The following NEBL variants were observed in gnomAD, a reference collection of about 807,000 sequenced individuals.
NEBL encodes the protein nebulette.
NEBL carries 122 observed loss-of-function variants against 140.2 expected under a neutral mutation model. That is an observed-to-expected ratio of 0.87 (90% CI 0.75 to 1.01). NEBL has a LOEUF of 1.01. Among genes scored for constraint, NEBL ranks in the 50% least tolerant of loss-of-function variants. The pLI, the probability that NEBL is intolerant of heterozygous loss-of-function variation, is 0.00. For missense variants in NEBL, 1,365 were observed against 1,231.3 expected (o/e 1.11, Z -1.62); for synonymous variants, 436 against 398.9 (o/e 1.09, Z -1.11).
intron 26 of NEBL, among the ~76,000 whole-genome samples, chr10:20,802,774 C>G (rs12247993): frequency 0.011 from 1,751 of 152,286 alleles, 25 homozygotes; most frequent in African/African-American, 0.039. Flanking sequence ...AAAACTGTGA[C>G]TCTCATAACT....
At chr10:21,141,473 T>C (rs1839629397) in intron 2 of NEBL, among the ~76,000 whole-genome samples, 1 of 152,184 alleles carries the variant, frequency 6.6e-6, no homozygotes, top group Non-Finnish European at 1.5e-5. Context: ...GAAAAAAGCA[T>C]ACAAGAATTT....
intron 4 of NEBL, among the ~76,000 whole-genome samples, chr10:20,903,012 C>A (rs1588983816): frequency 1.3e-5 from 2 of 152,144 alleles, no homozygotes; most frequent in Admixed American, 1.3e-4. Context: ...CTGTTGAAAA[C>A]TGATAAGAAT....
intron 7 of NEBL, among the ~76,000 whole-genome samples, chr10:20,863,255 C>A (rs1425618746): frequency 1.3e-5 from 2 of 151,938 alleles, no homozygotes; most frequent in Non-Finnish European, 2.9e-5. Context: ...CACGCAAACC[C>A]AAAACTTTAC....
At chr10:21,144,701 T>G (rs1839809349) in intron 2 of NEBL, among the ~76,000 whole-genome samples, 1 of 151,764 alleles carries the variant, frequency 6.6e-6, no homozygotes, top group Non-Finnish European at 1.5e-5. Context: ...CACTCCAGCC[T>G]GGGAGACAGA....
intron 3 of NEBL, among the ~76,000 whole-genome samples, chr10:20,978,001 T>G (rs1836872936): frequency 6.6e-6 from 1 of 152,248 alleles, no homozygotes; most frequent in African/African-American, 2.4e-5. Flanking sequence ...TGAAAATTAA[T>G]CTTAAAATGT....
At chr10:21,180,345 A>G (rs553124144) in intron 3 of NEBL, among the ~76,000 whole-genome samples, 2 of 152,242 alleles carry the variant, frequency 1.3e-5, no homozygotes, top group Non-Finnish European at 2.9e-5. Flanking sequence ...TGGGACTTCT[A>G]AAATAATCAG....
intron 1 of NEBL, among the ~76,000 whole-genome samples, chr10:21,284,291 G>A (rs1843029532): frequency 6.9e-6 from 1 of 145,706 alleles, no homozygotes; most frequent in African/African-American, 2.5e-5. Context: ...TTGGCACATA[G>A]TGCATGTCCA....
At chr10:20,814,587 G>A (rs1163980183) in intron 22 of NEBL, among the ~76,000 whole-genome samples, 1 of 145,176 alleles carries the variant, frequency 6.9e-6, no homozygotes, top group Non-Finnish European at 1.5e-5. Flanking sequence ...GGGCAACAGA[G>A]ACTGTGTCTC....
At chr10:21,021,405 G>A (rs1838785542) in intron 2 of NEBL, among the ~76,000 whole-genome samples, 1 of 152,118 alleles carries the variant, frequency 6.6e-6, no homozygotes. Context: ...CTGGCCTCCT[G>A]TCTGCCAAGG....
At chr10:20,967,627 C>CA (rs199926622) in intron 3 of NEBL, among the ~76,000 whole-genome samples, 1,307 of 124,882 alleles carry the variant, frequency 0.01, 4 homozygotes, top group Middle Eastern at 0.033. Context: ...GACTCCATCT[C>CA]AAAAAAAAAA....
chr10:21,193,227 C>T (rs1434801019), intron 3 of NEBL, among the ~76,000 whole-genome samples: 1 of 152,140 alleles, frequency 6.6e-6, no homozygotes, highest in Non-Finnish European at 1.5e-5. Flanking sequence ...GGGTGAGCAC[C>T]TGGAGACCTG....
At chr10:20,944,006 T>C (rs1835033147) in intron 4 of NEBL, among the ~76,000 whole-genome samples, 1 of 152,208 alleles carries the variant, frequency 6.6e-6, no homozygotes, top group African/African-American at 2.4e-5. Flanking sequence ...GCGGTTAAGT[T>C]TTGGAGTCAA....
chr10:21,067,481 AG>A (rs1025071590), intron 2 of NEBL, among the ~76,000 whole-genome samples: 4 of 152,202 alleles, frequency 2.6e-5, no homozygotes, highest in African/African-American at 9.6e-5. Context: ...AAGCAGGAGG[AG>A]GGAGGAGAAC....
At chr10:21,063,521 TTTCTA>T (rs1333788372) in intron 2 of NEBL, among the ~76,000 whole-genome samples, 1 of 152,218 alleles carries the variant, frequency 6.6e-6, no homozygotes, top group Non-Finnish European at 1.5e-5. Context: ...TCACCCAAGT[TTTCTA>T]TTCACATGTA....
intron 5 of NEBL, among the ~76,000 whole-genome samples, chr10:20,877,370 T>A (rs1407257406): frequency 6.6e-6 from 1 of 152,212 alleles, no homozygotes; most frequent in Non-Finnish European, 1.5e-5. Context: ...GACTCCAAAT[T>A]CCTTTCCTAG....
At chr10:20,860,408 C>T (rs1004343887) in intron 7 of NEBL, among the ~76,000 whole-genome samples, 2 of 151,850 alleles carry the variant, frequency 1.3e-5, no homozygotes, top group African/African-American at 4.8e-5. Flanking sequence ...ATCTCCAATA[C>T]TCTCTCTAAA....
intron 3 of NEBL, among the ~76,000 whole-genome samples, chr10:20,996,953 T>G (rs1330258662): frequency 6.6e-6 from 1 of 152,198 alleles, no homozygotes; most frequent in Non-Finnish European, 1.5e-5. Context: ...GAAAAATAAA[T>G]GTTCAAACTG....
intron 2 of NEBL, among the ~76,000 whole-genome samples, chr10:21,148,606 A>G (rs184182361): frequency 1.3e-5 from 2 of 152,184 alleles, no homozygotes; most frequent in Admixed American, 1.3e-4. Context: ...GCTCACTGCA[A>G]CTTCCACCTC....
intron 3 of NEBL, among the ~76,000 whole-genome samples, chr10:21,208,784 T>C (rs898089982): frequency 1.3e-5 from 2 of 151,954 alleles, no homozygotes; most frequent in African/African-American, 4.8e-5. Flanking sequence ...AACTCAGCCC[T>C]ACAACCCCAC....
Sources: gnomAD v4.1 joint callset for allele counts (sites outside exome capture counted in the v4.1 genomes callset) on GRCh38, gnomAD v4.1.1 for gene constraint, MANE v1.5 for transcripts, NCBI Gene and HGNC (gene_info 2026-07-23, HGNC 2026-07-21) for gene names.